Variants in AGBL4 observed in about 807,000 individuals in gnomAD.
The protein encoded by AGBL4 is cytosolic carboxypeptidase 6.
A neutral mutation model predicts 66.4 loss-of-function variants in AGBL4; 58 were observed. The ratio of observed to expected loss-of-function variants is 0.87; its 90% CI spans 0.71 to 1.09. The LOEUF (loss-of-function observed/expected upper bound fraction) is 1.09, where lower values mean the gene tolerates loss of function less well. Ranked by LOEUF, AGBL4 falls within the 50% of genes least tolerant of loss-of-function variation. AGBL4 has a pLI of 0.00. For synonymous variants in AGBL4, 234 were observed against 222.9 expected (o/e 1.05, Z -0.44); for missense variants, 579 against 631.0 (o/e 0.92, Z 0.88).
Position 49,565,467 on chromosome 1 carries a change from C to T in AGBL4, c.282+131846G>A, listed in dbSNP as rs562556568. Among the ~76,000 whole-genome samples the T allele has an allele frequency of 2.0e-5, 3 of 152,280 alleles. No homozygotes were observed. The East Asian group carries it at 5.8e-4, about 29-fold the overall frequency. Reference sequence around the variant, plus strand: ...TGGTTGTTCCCTTCCATGTTTAGTGCTTCCTTCAGGACCTCTTTTAGGGCA... The same window carrying T: ...TGGTTGTTCCCTTCCATGTTTAGTGTTTCCTTCAGGACCTCTTTTAGGGCA... On this transcript the variant is annotated intron_variant, in intron 3 of 13. Coordinates refer to ENST00000371839, the MANE Select transcript of AGBL4 (RefSeq NM_032785.4).
At chr1:48,631,370 T>C (rs1397578685) in intron 9 of AGBL4, among the ~76,000 whole-genome samples, 4 of 152,186 alleles carry the variant, frequency 2.6e-5, no homozygotes, top group Non-Finnish European at 5.9e-5. Context: ...ACACCAGCAC[T>C]GTGCTAGGTG....
At chr1:49,943,907 C>T (rs1046494104) in intron 1 of AGBL4, among the ~76,000 whole-genome samples, 9 of 152,144 alleles carry the variant, frequency 5.9e-5, no homozygotes, top group African/African-American at 2.2e-4. Context: ...GCTGTGCTCA[C>T]CCACTACCTG....
chr1:49,412,054 A>C (rs1363130265), intron 3 of AGBL4, among the ~76,000 whole-genome samples: 5 of 152,202 alleles, frequency 3.3e-5, no homozygotes, highest in Non-Finnish European at 7.3e-5. Context: ...ATTCAAAAAT[A>C]TTTATTAGGT....
intron 6 of AGBL4, among the ~76,000 whole-genome samples, chr1:48,696,789 G>A (rs535361599): frequency 6.6e-6 from 1 of 152,326 alleles, no homozygotes; most frequent in South Asian, 2.1e-4. Context: ...TACAGAGATA[G>A]CTTGGTCTGT....
At chr1:49,378,452 G>A (rs1223627920) in intron 3 of AGBL4, among the ~76,000 whole-genome samples, 1 of 152,050 alleles carries the variant, frequency 6.6e-6, no homozygotes, top group Non-Finnish European at 1.5e-5. Flanking sequence ...GATTACACTA[G>A]GAATAGTATC....
chr1:49,366,257 C>A (rs1195708809), intron 3 of AGBL4, among the ~76,000 whole-genome samples: 1 of 152,154 alleles, frequency 6.6e-6, no homozygotes, highest in African/African-American at 2.4e-5. Flanking sequence ...AGCAATGCTA[C>A]AAGCTCAAAA....
At chr1:49,845,227 A>G (rs1464864647) in intron 2 of AGBL4, 1 of 1,510,342 alleles carries the variant, frequency 6.6e-7, no homozygotes, top group Non-Finnish European at 9.2e-7. Flanking sequence ...GAGAATCCAC[A>G]CTGGGGAGAA....
intron 4 of AGBL4, among the ~76,000 whole-genome samples, chr1:49,167,068 A>C (rs1646648984): frequency 6.6e-6 from 1 of 152,168 alleles, no homozygotes; most frequent in African/African-American, 2.4e-5. Flanking sequence ...TTTTCCACAC[A>C]TAATTGTTAG....
chr1:49,605,185 T>C (rs1645040945), intron 3 of AGBL4, among the ~76,000 whole-genome samples: 1 of 152,162 alleles, frequency 6.6e-6, no homozygotes, highest in Admixed American at 6.6e-5. Context: ...TGGTGCTTTC[T>C]ACATCAGGAT....
At chr1:49,035,809 G>A (rs1664602265) in intron 5 of AGBL4, among the ~76,000 whole-genome samples, 2 of 151,974 alleles carry the variant, frequency 1.3e-5, no homozygotes, top group African/African-American at 4.8e-5. Flanking sequence ...GTTACAAAGG[G>A]CATATGAACA....
intron 3 of AGBL4, among the ~76,000 whole-genome samples, chr1:49,317,203 A>T (rs1645055510): frequency 6.6e-6 from 1 of 151,896 alleles, no homozygotes; most frequent in Admixed American, 6.6e-5. Flanking sequence ...CTATATTTTC[A>T]ATGATTTCTA....
chr1:49,888,413 C>A (rs1648286739), intron 1 of AGBL4, among the ~76,000 whole-genome samples: 4 of 152,074 alleles, frequency 2.6e-5, no homozygotes, highest in Admixed American at 1.3e-4. Flanking sequence ...ACAGTATTTA[C>A]ATAGGGAAAG....
At chr1:49,619,776 T>C (rs932754366) in intron 3 of AGBL4, among the ~76,000 whole-genome samples, 66 of 152,248 alleles carry the variant, frequency 4.3e-4, no homozygotes, top group African/African-American at 1.5e-3. Flanking sequence ...AACAGATGTA[T>C]AGATCAATGG....
chr1:48,850,579 C>T (rs1217838111), intron 6 of AGBL4, among the ~76,000 whole-genome samples: 2 of 152,174 alleles, frequency 1.3e-5, no homozygotes, highest in Non-Finnish European at 2.9e-5. Flanking sequence ...GGCTAGAATG[C>T]AGTGGTGTGA....
At chr1:49,162,376 T>C (rs1646556810) in intron 4 of AGBL4, among the ~76,000 whole-genome samples, 1 of 152,202 alleles carries the variant, frequency 6.6e-6, no homozygotes, top group Non-Finnish European at 1.5e-5. Context: ...TATTTGCATG[T>C]ATAAATTCCA....
At chr1:48,608,550 G>A (rs1390371749) in intron 9 of AGBL4, among the ~76,000 whole-genome samples, 1 of 152,012 alleles carries the variant, frequency 6.6e-6, no homozygotes, top group East Asian at 1.9e-4. Flanking sequence ...GAAGTGGATG[G>A]ATGGATGGAT....
At chr1:49,422,293 A>G (rs1645562935) in intron 3 of AGBL4, among the ~76,000 whole-genome samples, 1 of 152,212 alleles carries the variant, frequency 6.6e-6, no homozygotes, top group African/African-American at 2.4e-5. Flanking sequence ...TTGGAGGAAT[A>G]AAAGTGCATC....
chr1:49,733,174 C>A (rs1376806005), intron 2 of AGBL4, among the ~76,000 whole-genome samples: 4 of 152,076 alleles, frequency 2.6e-5, no homozygotes, highest in African/African-American at 9.7e-5. Flanking sequence ...ACAAAAAATT[C>A]TATAACCACC....
At chr1:48,593,371 T>C (rs1644946145) in intron 9 of AGBL4, among the ~76,000 whole-genome samples, 1 of 152,276 alleles carries the variant, frequency 6.6e-6, no homozygotes, top group Admixed American at 6.5e-5. Context: ...AAACATTTAA[T>C]GTATTTCCAA....
Sources: gnomAD v4.1 joint callset for allele counts (sites outside exome capture counted in the v4.1 genomes callset) on GRCh38, gnomAD v4.1.1 for gene constraint, MANE v1.5 for transcripts, NCBI Gene and HGNC (gene_info 2026-07-23, HGNC 2026-07-21) for gene names.